The following CACNA1B variants were observed in gnomAD, a reference collection of about 807,000 sequenced individuals.
The protein encoded by CACNA1B is calcium voltage-gated channel subunit alpha1 B.
In CACNA1B, 70 loss-of-function variants were observed where a neutral mutation model predicts 247.2. The ratio of observed to expected loss-of-function variants is 0.28; its 90% CI spans 0.23 to 0.35. CACNA1B has a LOEUF of 0.35. CACNA1B is among the 10% of genes least tolerant of loss of function. CACNA1B has a pLI of 1.00. For synonymous variants in CACNA1B, 1,231 were observed against 1,294.4 expected (o/e 0.95, Z 1.05); for missense variants, 2,367 against 3,197.4 (o/e 0.74, Z 6.26).
Position 138,023,494 on chromosome 9 carries a change from G to A in CACNA1B, c.2751G>A (p.Arg917=). The A allele has an allele frequency of 9.2e-7, 1 of 1,086,920 alleles. No individual in the cohort carries two copies. The highest frequency in any genetic ancestry group is 1.1e-6 in the Non-Finnish European group (1 of 900,452). The allele number at this position is 1,086,920 out of a possible 1,614,324, so 67.3% of individuals were successfully genotyped here. ...GCCCAGGCCCCGAGGGCGGCCGGCG[G>A]CACCACCGGCGCGGCTCCCCGGAGG... The part of the protein sequence containing the change: ...GRGPGPEGGR[R]HHRRGSPEEA... The change falls in exon 19 of 47, where the codon CGG becomes CGA. Residue 917 remains arginine (R), a synonymous_variant. Coordinates refer to ENST00000371372, the MANE Select transcript of CACNA1B (RefSeq NM_000718.4).
chr9:137,981,095 G>T (rs758009551), intron 12 of CACNA1B, among the ~76,000 whole-genome samples: 6 of 152,132 alleles, frequency 3.9e-5, no homozygotes, highest in Non-Finnish European at 5.9e-5. Flanking sequence ...ACAGTGACTG[G>T]ACTAATTTAC....
chr9:137,969,707 C>T (rs950359706), intron 10 of CACNA1B, among the ~76,000 whole-genome samples: 7 of 152,136 alleles, frequency 4.6e-5, no homozygotes, highest in Admixed American at 3.9e-4. Context: ...CAAAAGTGAG[C>T]GTGGTCAGGC....
intron 15 of CACNA1B, among the ~76,000 whole-genome samples, chr9:138,004,840 T>A (rs1163890055): frequency 1.3e-5 from 2 of 152,306 alleles, no homozygotes; most frequent in East Asian, 3.9e-4. Flanking sequence ...GAATAGACAT[T>A]TCTCAAAAGA....
chr9:137,906,495 T>C (rs960950386), intron 3 of CACNA1B, among the ~76,000 whole-genome samples: 1 of 152,242 alleles, frequency 6.6e-6, no homozygotes, highest in African/African-American at 2.4e-5. Context: ...TTATTGAACA[T>C]ACGTGTTCCC....
intron 36 of CACNA1B, among the ~76,000 whole-genome samples, chr9:138,079,368 G>A (rs150900499): frequency 6.6e-6 from 1 of 152,274 alleles, no homozygotes; most frequent in East Asian, 1.9e-4. Context: ...GGAGGCAGGT[G>A]GAGAACCAGG....
Position 138,050,431 on chromosome 9 carries a change from C to T in CACNA1B, c.3710+1116C>T, listed in dbSNP as rs772405376. Among the ~76,000 whole-genome samples, 3 of 152,338 alleles carry T rather than the reference C, an allele frequency of 2.0e-5. No homozygotes were observed. The highest frequency in any genetic ancestry group is 4.8e-5 in the African/African-American group (2 of 41,578). ...GCCACAGCCCGAGGACCGGGGACAT[C>T]GCGAGGCGCTCCCGGTGCAGCTCCT... On this transcript the variant is annotated intron_variant, in intron 24 of 46. Coordinates refer to ENST00000371372, the MANE Select transcript of CACNA1B (RefSeq NM_000718.4). The surrounding 1 kb of genome is among the most constrained non-coding windows in gnomAD (Gnocchi z 5.2).
chr9:138,005,767 G>C (rs1958639329), intron 15 of CACNA1B, among the ~76,000 whole-genome samples: 1 of 152,210 alleles, frequency 6.6e-6, no homozygotes, highest in Non-Finnish European at 1.5e-5. Flanking sequence ...AAAACGGCAG[G>C]GTGTGGCGGC....
chr9:138,043,862 C>T lies in CACNA1B; in HGVS notation c.3375C>T (p.Val1125=). 6.2e-7 allele frequency: 1 copy of T among 1,614,032 alleles called. No individual in the cohort carries two copies. Among genetic ancestry groups the T allele is most frequent in the Non-Finnish European group, 8.5e-7 (1 of 1,179,882 alleles). ...DVMRSGPRPI[V]PYSSMFCLSP... ...TGAGGAGCGGCCCCCGGCCTATCGT[C>T]CCATACAGCTCCATGTTCTGTTTAA... is the stretch of plus-strand genomic sequence containing the variant. The change falls in exon 21 of 47, where the codon GTC becomes GTT. Residue 1125 remains valine, a synonymous_variant. Coordinates refer to ENST00000371372, the MANE Select transcript of CACNA1B (RefSeq NM_000718.4).
At chr9:138,099,161 CTG>C (rs1249752783) in intron 37 of CACNA1B, among the ~76,000 whole-genome samples, 2 of 152,164 alleles carry the variant, frequency 1.3e-5, no homozygotes, top group African/African-American at 4.8e-5. Context: ...ATGTACATGG[CTG>C]TGTTGTGTGC....
At position 138,053,842 on chromosome 9, in the gene CACNA1B, G is replaced by A; in HGVS notation, c.3808-4G>A. On this transcript the variant is annotated splice_region_variant and splice_polypyrimidine_tract_variant and intron_variant, in intron 25 of 46. Coordinates refer to ENST00000371372, the MANE Select transcript of CACNA1B (RefSeq NM_000718.4). ...TCATCATGGCTCCACCCCTCCTCCT[G>A]CAGGCTGTGTTTGACTGTGTGGTGA... 2 of 1,606,764 alleles carry A rather than the reference G, an allele frequency of 1.2e-6. No individual in the cohort carries two copies. Among genetic ancestry groups the A allele is most frequent in the Non-Finnish European group, 1.7e-6 (2 of 1,175,956 alleles).
intron 16 of CACNA1B, among the ~76,000 whole-genome samples, chr9:138,009,324 T>C (rs2133417252): frequency 6.6e-6 from 1 of 152,382 alleles, no homozygotes; most frequent in Non-Finnish European, 1.5e-5. Context: ...TCATGCCATC[T>C]GCCGTCTCCA....
At chr9:137,956,412 C>G (rs1366758838) in intron 8 of CACNA1B, among the ~76,000 whole-genome samples, 1 of 152,220 alleles carries the variant, frequency 6.6e-6, no homozygotes, top group Non-Finnish European at 1.5e-5. Context: ...AGTCCCAGCA[C>G]TTTGGGAGGC....
chr9:138,002,491 T>C (rs1217083927), intron 15 of CACNA1B, among the ~76,000 whole-genome samples: 2 of 151,376 alleles, frequency 1.3e-5, no homozygotes, highest in East Asian at 1.9e-4. Context: ...GGAGTATCGC[T>C]TGAGGCTCTT....
chr9:138,080,032 A>G (rs1321505701), intron 36 of CACNA1B, among the ~76,000 whole-genome samples: 2 of 152,156 alleles, frequency 1.3e-5, no homozygotes, highest in Non-Finnish European at 1.5e-5. Flanking sequence ...CGGGACAGAG[A>G]TGCTCTTGAC....
chr9:137,943,411 T>C (rs966370339), intron 6 of CACNA1B, among the ~76,000 whole-genome samples: 2 of 152,174 alleles, frequency 1.3e-5, no homozygotes, highest in African/African-American at 4.8e-5. Flanking sequence ...CTTGAATTAT[T>C]TGAGAGATAA....
At chr9:137,960,691 T>C (rs1364956502) in intron 10 of CACNA1B, among the ~76,000 whole-genome samples, 2 of 151,888 alleles carry the variant, frequency 1.3e-5, no homozygotes, top group African/African-American at 4.8e-5. Flanking sequence ...TGAGGTGCCA[T>C]GGGCTGTCGG....
At position 137,952,329 on chromosome 9, in the gene CACNA1B, T is replaced by C; in HGVS notation, c.1022T>C (p.Ile341Thr). ...WNWLYFIPLI[I>T]IGSFFMLNLV... ...TGGCTCTACTTCATCCCTCTCATCA[T>C]CATCGGCTCCTTCTTCATGCTCAAC... Residue 341 changes from isoleucine (I) to threonine (T), a missense_variant, in exon 7 of 47, where the codon ATC (isoleucine) becomes ACC (threonine). This residue lies in a region of CACNA1B where 32 missense variants were observed against 37.2 expected (regional missense o/e 0.86). Coordinates refer to ENST00000371372, the MANE Select transcript of CACNA1B (RefSeq NM_000718.4). The surrounding 1 kb of genome is among the most constrained non-coding windows in gnomAD (Gnocchi z 4.8). 6.2e-7 allele frequency: 1 copy of C among 1,613,908 alleles called. No individual in the cohort carries two copies. Among genetic ancestry groups the C allele is most frequent in the Non-Finnish European group, 8.5e-7 (1 of 1,179,854 alleles).
At chr9:137,918,257 G>T (rs1036736343) in intron 6 of CACNA1B, among the ~76,000 whole-genome samples, 4 of 151,978 alleles carry the variant, frequency 2.6e-5, no homozygotes, top group African/African-American at 4.8e-5. Context: ...CCTCTGCCTG[G>T]GTCCCTTCTT....
intron 20 of CACNA1B, among the ~76,000 whole-genome samples, chr9:138,026,394 G>A (rs901723293): frequency 3.3e-5 from 5 of 152,096 alleles, no homozygotes; most frequent in Admixed American, 2.6e-4. Context: ...GCTTTTATCT[G>A]CAGGAATCCA....
Sources: allele counts gnomAD v4.1 joint callset (sites outside exome capture counted in the v4.1 genomes callset), GRCh38; gene constraint gnomAD v4.1.1; regional missense constraint gnomAD v4.1.1; non-coding constraint Gnocchi (gnomAD v3.1); transcripts MANE v1.5; gene names NCBI Gene and HGNC (gene_info 2026-07-23, HGNC 2026-07-21).